The following FAT4 variants were observed in gnomAD, a reference collection of about 807,000 sequenced individuals.
The protein encoded by FAT4 is FAT atypical cadherin 4.
In FAT4, 84 loss-of-function variants were observed where a neutral mutation model predicts 303.9. That is an observed-to-expected ratio of 0.28 (90% CI 0.23 to 0.33). FAT4 has a LOEUF of 0.33. Ranked by LOEUF, FAT4 falls within the 10% of genes least tolerant of loss-of-function variation. FAT4 has a pLI of 1.00. For synonymous variants in FAT4, 2,307 were observed against 2,298.8 expected (o/e 1.00, Z -0.10); for missense variants, 6,005 against 6,146.8 (o/e 0.98, Z 0.77).
intron 10 of FAT4, among the ~76,000 whole-genome samples, chr4:125,463,323 T>C (rs1726545675): frequency 6.6e-6 from 1 of 152,024 alleles, no homozygotes; most frequent in Non-Finnish European, 1.5e-5. Context: ...AGTATTTTCT[T>C]CCAAGATGAT....
At chr4:125,348,629 A>G (rs558728609) in intron 2 of FAT4, among the ~76,000 whole-genome samples, 2 of 151,846 alleles carry the variant, frequency 1.3e-5, no homozygotes, top group Admixed American at 6.6e-5. Flanking sequence ...ACAAATTAAT[A>G]ATCCTGGAAA....
chr4:125,446,880 G>A (rs1725845682), intron 9 of FAT4, among the ~76,000 whole-genome samples: 1 of 151,924 alleles, frequency 6.6e-6, no homozygotes, highest in Non-Finnish European at 1.5e-5. Flanking sequence ...AGTTTGCTAA[G>A]AGGAGGGGCA....
chr4:125,421,970 A>C (rs1405060402), intron 7 of FAT4, among the ~76,000 whole-genome samples: 2 of 152,164 alleles, frequency 1.3e-5, no homozygotes, highest in African/African-American at 4.8e-5. Context: ...AAATAAATTT[A>C]TAAATATGCA....
At position 125,450,869 on chromosome 4, in the gene FAT4, A is replaced by C. The variant is rs1726037444; in HGVS notation, c.9859A>C (p.Asn3287His). The change falls in exon 10 of 18, where the codon AAT (asparagine) becomes CAT (histidine). Residue 3287 changes from asparagine to histidine, a missense_variant. Asn to His is a moderately conservative substitution (Grantham distance 68). Transcript: ENST00000394329. ...DEERCSFATV[N>H]IQLKGTNEYV... ...GGAAAGGTGTAGCTTTGCCACTGTT[A>C]ATATACAATTAAAAGGGACAAATGA... 6.2e-7 allele frequency: 1 copy of C among 1,613,980 alleles called. No homozygotes were observed. Among genetic ancestry groups the C allele is most frequent in the African/African-American group, 1.3e-5 (1 of 74,920 alleles).
At chr4:125,429,543 A>G (rs867826151) in intron 7 of FAT4, among the ~76,000 whole-genome samples, 1 of 152,156 alleles carries the variant, frequency 6.6e-6, no homozygotes, top group Non-Finnish European at 1.5e-5. Context: ...CTAAATGGAA[A>G]TTGGTTCAGT....
chr4:125,401,867 C>A (rs1734402087), intron 3 of FAT4, among the ~76,000 whole-genome samples: 1 of 151,608 alleles, frequency 6.6e-6, no homozygotes, highest in African/African-American at 2.4e-5. Flanking sequence ...TTTTAGAATT[C>A]CTTCTATGTG....
intron 2 of FAT4, among the ~76,000 whole-genome samples, chr4:125,335,382 G>A (rs966820820): frequency 9.9e-5 from 15 of 151,926 alleles, no homozygotes; most frequent in East Asian, 1.9e-4. Flanking sequence ...CAGTATTAAC[G>A]TAGGAGTAGA....
chr4:125,319,703 C>T lies in FAT4; in HGVS notation c.3292C>T (p.Pro1098Ser), dbSNP rs770497247. The T allele has an allele frequency of 2.5e-6, 4 of 1,613,934 alleles. No homozygotes were observed. Among genetic ancestry groups the T allele is most frequent in the Non-Finnish European group, 3.4e-6 (4 of 1,179,812 alleles). Residue 1098 changes from proline (P) to serine (S), a missense_variant, in exon 2 of 18, where the codon CCT becomes TCT. By Grantham distance (74) the Pro-to-Ser change is moderately conservative (BLOSUM62 -1). Transcript: ENST00000394329. ...VILEDVNDNR[P>S]LFNSTNYTFY... The stretch of plus-strand genomic sequence containing the variant: ...TTTAGAAGATGTAAATGATAACAGA[C>T]CTCTTTTTAACAGTACCAATTACAC...
At chr4:125,346,298 CTTTT>C (rs1324859537) in intron 2 of FAT4, among the ~76,000 whole-genome samples, 2 of 151,844 alleles carry the variant, frequency 1.3e-5, no homozygotes, top group Non-Finnish European at 2.9e-5. Context: ...TGTTTTCCTT[CTTTT>C]TGTTTTTCAA....
intron 2 of FAT4, 39 bp downstream of exon 2, chr4:125,321,625 T>TG (rs1365308407): frequency 6.6e-7 from 1 of 1,524,960 alleles, no homozygotes; most frequent in African/African-American, 1.4e-5. Context: ...GTTGATTTGC[T>TG]TTTTAGAAAA....
At chr4:125,336,889 C>T (rs1731598284) in intron 2 of FAT4, among the ~76,000 whole-genome samples, 1 of 151,954 alleles carries the variant, frequency 6.6e-6, no homozygotes, top group Non-Finnish European at 1.5e-5. Context: ...TGATTTTCAA[C>T]TTAAATATCA....
chr4:125,328,468 A>G (rs1270352721), intron 2 of FAT4, among the ~76,000 whole-genome samples: 2 of 152,194 alleles, frequency 1.3e-5, no homozygotes, highest in Non-Finnish European at 2.9e-5. Context: ...ACGTGTATGC[A>G]TTTTTAAGAA....
chr4:125,479,706 A>T (rs748584335), intron 14 of FAT4, 35 bp from the exon 15 acceptor site: 11 of 1,487,288 alleles, frequency 7.4e-6, no homozygotes, highest in South Asian at 2.8e-5. Context: ...CTCATCTTTT[A>T]TGTGCGTTAT....
intron 10 of FAT4, among the ~76,000 whole-genome samples, chr4:125,453,849 T>G (rs1726185635): frequency 6.6e-6 from 1 of 152,222 alleles, no homozygotes; most frequent in African/African-American, 2.4e-5. Context: ...AGTAAAAATT[T>G]TGAACTAGTC....
chr4:125,383,259 G>A (rs1733608694), intron 2 of FAT4, among the ~76,000 whole-genome samples: 1 of 152,152 alleles, frequency 6.6e-6, no homozygotes, highest in African/African-American at 2.4e-5. Context: ...TAAAATAAGA[G>A]ATGTGCAGCT....
chr4:125,451,824 C>G lies in FAT4; in HGVS notation c.10814C>G (p.Thr3605Arg), dbSNP rs1726088538. 1 of 1,614,142 alleles carries G rather than the reference C, an allele frequency of 6.2e-7. No individual in the cohort carries two copies. Among genetic ancestry groups the G allele is most frequent in the Non-Finnish European group, 8.5e-7 (1 of 1,180,026 alleles). The change falls in exon 10 of 18, where the codon ACA (threonine) becomes AGA (arginine). Residue 3605 changes from threonine (T) to arginine (R), a missense_variant. Coordinates refer to ENST00000394329, the MANE Select transcript of FAT4 (RefSeq NM_001291303.3). ...TCTTCCACAGGAACTGTGCATATCACAGTTATAGACCAAAATGACAATCCT... is the reference window on the plus strand; with the variant it reads ...TCTTCCACAGGAACTGTGCATATCAGAGTTATAGACCAAAATGACAATCCT... ...QMSSTGTVHI[T>R]VIDQNDNPSQ...
At chr4:125,424,871 C>T (rs1004666176) in intron 7 of FAT4, among the ~76,000 whole-genome samples, 3 of 151,976 alleles carry the variant, frequency 2.0e-5, no homozygotes, top group Non-Finnish European at 4.4e-5. Context: ...ATGGTAGAAT[C>T]GGAAGGATAG....
At position 125,487,615 on chromosome 4, in the gene FAT4, C is replaced by T. The variant is rs958694109; in HGVS notation, c.13084+9C>T. 3.8e-6 allele frequency: 6 copies of T among 1,586,284 alleles called. No homozygotes were observed. The highest frequency in any genetic ancestry group is 5.1e-6 in the Non-Finnish European group (6 of 1,165,542). ...TCGAGATGCCCAAACAGGTAAATGCCTTTATTAAGTAGAGTCACAAGGGAA... is the reference window on the plus strand; with the variant it reads ...TCGAGATGCCCAAACAGGTAAATGCTTTTATTAAGTAGAGTCACAAGGGAA... On this transcript the variant is annotated intron_variant, in intron 17 of 17. Coordinates refer to ENST00000394329, the MANE Select transcript of FAT4 (RefSeq NM_001291303.3).
intron 2 of FAT4, among the ~76,000 whole-genome samples, chr4:125,346,968 G>C (rs1032666459): frequency 5.9e-5 from 9 of 151,904 alleles, no homozygotes; most frequent in Non-Finnish European, 1.0e-4. Flanking sequence ...TTAAATAAGG[G>C]CTATACTGTG....
Sources: allele counts gnomAD v4.1 joint callset (sites outside exome capture counted in the v4.1 genomes callset), GRCh38; gene constraint gnomAD v4.1.1; transcripts MANE v1.5; gene names NCBI Gene and HGNC (gene_info 2026-07-23, HGNC 2026-07-21).